SUSD4: variants seen among roughly 807,000 people sequenced by gnomAD.
SUSD4 encodes the protein sushi domain containing 4.
In SUSD4, 41 loss-of-function variants were observed where a neutral mutation model predicts 50.5. The observed-to-expected ratio is 0.81, with a 90% confidence interval of 0.63 to 1.05. SUSD4 has a LOEUF of 1.05. Ranked by LOEUF, SUSD4 falls within the 50% of genes least tolerant of loss-of-function variation. The pLI is 0.00. For synonymous variants in SUSD4, 257 were observed against 257.3 expected (o/e 1.00, Z 0.01); for missense variants, 580 against 634.7 (o/e 0.91, Z 0.93).
At chr1:223,267,998 C>T (rs1662609877) in intron 4 of SUSD4, among the ~76,000 whole-genome samples, 1 of 64,874 alleles carries the variant, frequency 1.5e-5, no homozygotes, top group Non-Finnish European at 2.7e-5. Context: ...AATTTTTCTG[C>T]TCTTCATGCA....
At chr1:223,317,655 G>A (rs1666281923) in intron 2 of SUSD4, among the ~76,000 whole-genome samples, 1 of 151,968 alleles carries the variant, frequency 6.6e-6, no homozygotes, top group Non-Finnish European at 1.5e-5. Context: ...CAAGAAACTT[G>A]GGTAAATGGT....
At chr1:223,273,347 C>A (rs1034779345) in intron 3 of SUSD4, among the ~76,000 whole-genome samples, 2 of 152,142 alleles carry the variant, frequency 1.3e-5, no homozygotes, top group East Asian at 3.9e-4. Context: ...TGATTTATAT[C>A]CTCAAAGGGT....
intron 2 of SUSD4, among the ~76,000 whole-genome samples, chr1:223,299,332 T>C (rs1665035586): frequency 1.3e-5 from 2 of 152,220 alleles, no homozygotes; most frequent in African/African-American, 4.8e-5. Flanking sequence ...TCCAAACCTA[T>C]TTCCTCCCCA....
chr1:223,267,826 G>T (rs1415234016), intron 4 of SUSD4, among the ~76,000 whole-genome samples: 2 of 151,594 alleles, frequency 1.3e-5, no homozygotes, highest in Non-Finnish European at 2.9e-5. Flanking sequence ...TGCCTTCTTG[G>T]TTCTTTGGTC....
chr1:223,254,596 G>C (rs1432222444), intron 5 of SUSD4, among the ~76,000 whole-genome samples: 1 of 152,086 alleles, frequency 6.6e-6, no homozygotes, highest in Non-Finnish European at 1.5e-5. Flanking sequence ...GTAATAGCAG[G>C]AATGCCTGAA....
chr1:223,310,349 A>G (rs1665798822), intron 2 of SUSD4, among the ~76,000 whole-genome samples: 1 of 152,202 alleles, frequency 6.6e-6, no homozygotes, highest in Non-Finnish European at 1.5e-5. Context: ...CTGATTCCCA[A>G]GCATGGTCAG....
intron 2 of SUSD4, among the ~76,000 whole-genome samples, chr1:223,341,417 T>C (rs1667748963): frequency 6.6e-6 from 1 of 152,176 alleles, no homozygotes; most frequent in Non-Finnish European, 1.5e-5. Context: ...GCAGGGCAGC[T>C]GCCGCCAGCA....
At chr1:223,293,692 T>C (rs190270782) in intron 2 of SUSD4, among the ~76,000 whole-genome samples, 1 of 152,056 alleles carries the variant, frequency 6.6e-6, no homozygotes, top group South Asian at 2.1e-4. Context: ...TGACTGGATG[T>C]TGGAGTGAGG....
Position 223,221,593 on chromosome 1 carries a change from A to G in SUSD4, c.*599T>C, listed in dbSNP as rs1255003767. 1.3e-5 allele frequency: 2 copies of G among 154,382 alleles called. No individual in the cohort carries two copies. The highest frequency in any genetic ancestry group is 2.4e-5 in the African/African-American group (1 of 41,548). 9.6% of individuals were successfully genotyped at this position (154,382 alleles called of 1,614,324 possible). On this transcript the variant is annotated 3_prime_UTR_variant, in exon 9 of 9. Coordinates refer to ENST00000366878, the MANE Select transcript of SUSD4 (RefSeq NM_017982.4). ...TTTCCTTTCTCACTGCAACTGCCAC[A>G]TCCTGCTTTCGTCTTGCTTCGAGTA...
chr1:223,240,525 C>T (rs1055478757), intron 5 of SUSD4, among the ~76,000 whole-genome samples: 26 of 151,982 alleles, frequency 1.7e-4, no homozygotes, highest in African/African-American at 6.3e-4. Flanking sequence ...GAGGATTCTA[C>T]TAACATTTCC....
intron 3 of SUSD4, among the ~76,000 whole-genome samples, chr1:223,290,819 G>C (rs1403215671): frequency 1.3e-5 from 2 of 152,176 alleles, no homozygotes; most frequent in Non-Finnish European, 2.9e-5. Context: ...AAGCTTGACA[G>C]AAGGCCTTCA....
At chr1:223,258,975 G>A (rs549053897) in intron 5 of SUSD4, among the ~76,000 whole-genome samples, 36 of 152,108 alleles carry the variant, frequency 2.4e-4, no homozygotes, top group Admixed American at 1.2e-3. Context: ...TTCAGTGTAG[G>A]TAACAATCTT....
chr1:223,329,372 A>G (rs1667050619), intron 2 of SUSD4, among the ~76,000 whole-genome samples: 1 of 152,172 alleles, frequency 6.6e-6, no homozygotes, highest in African/African-American at 2.4e-5. Flanking sequence ...TCTCATTCCA[A>G]AAACACTTTT....
chr1:223,325,023 G>A (rs914144667), intron 2 of SUSD4, among the ~76,000 whole-genome samples: 2 of 152,036 alleles, frequency 1.3e-5, no homozygotes, highest in South Asian at 2.1e-4. Flanking sequence ...TGACTCTTCT[G>A]CCTTCATTTT....
intron 2 of SUSD4, chr1:223,360,061 C>T (rs1370363378): frequency 7.7e-6 from 3 of 390,948 alleles, no homozygotes; most frequent in South Asian, 2.0e-5. Flanking sequence ...CCATCCTTCA[C>T]ACCAACCCTA....
At chr1:223,343,609 G>A (rs1667877005) in intron 2 of SUSD4, among the ~76,000 whole-genome samples, 1 of 152,130 alleles carries the variant, frequency 6.6e-6, no homozygotes, top group South Asian at 2.1e-4. Flanking sequence ...TATTTGGGGG[G>A]AGAATGAAGA....
chr1:223,245,173 A>G (rs1660833660), intron 5 of SUSD4, among the ~76,000 whole-genome samples: 1 of 151,890 alleles, frequency 6.6e-6, no homozygotes, highest in Admixed American at 6.6e-5. Context: ...TTGCATTTAA[A>G]TAATGCAATT....
intron 5 of SUSD4, among the ~76,000 whole-genome samples, chr1:223,261,144 G>A (rs768102888): frequency 2.0e-5 from 3 of 152,162 alleles, no homozygotes; most frequent in African/African-American, 7.2e-5. Context: ...ATTGTGGGGC[G>A]GCAGCAGTAA....
chr1:223,262,142 G>A (rs1432577310), intron 5 of SUSD4, among the ~76,000 whole-genome samples: 3 of 152,172 alleles, frequency 2.0e-5, no homozygotes, highest in Non-Finnish European at 2.9e-5. Flanking sequence ...CAGCTGCAGC[G>A]ACAGGTACCC....
Sources: gnomAD v4.1 joint callset for allele counts (sites outside exome capture counted in the v4.1 genomes callset) on GRCh38, gnomAD v4.1.1 for gene constraint, MANE v1.5 for transcripts, NCBI Gene and HGNC (gene_info 2026-07-23, HGNC 2026-07-21) for gene names.